Variants in PARP14 observed in about 807,000 individuals in gnomAD.
The protein encoded by PARP14 is protein mono-ADP-ribosyltransferase PARP14.
A neutral mutation model predicts 154.2 loss-of-function variants in PARP14; 59 were observed. The observed-to-expected ratio is 0.38, with a 90% CI of 0.31 to 0.48. PARP14 has a LOEUF of 0.48. PARP14 is among the 20% of genes least tolerant of loss of function. The pLI is 0.98. For synonymous variants in PARP14, 720 were observed against 780.5 expected (o/e 0.92, Z 1.29); for missense variants, 1,734 against 2,131.6 (o/e 0.81, Z 3.67).
At chr3:122,714,114 T>C in intron 11 of PARP14, 148 bp from the exon 12 acceptor site, 1 of 773,488 alleles carries the variant, frequency 1.3e-6, no homozygotes, top group Non-Finnish European at 2.1e-6. Context: ...AAAGTAAAGT[T>C]AAGTCATAGC....
At chr3:122,720,158 C>A in intron 14 of PARP14, 97 bp from the exon 15 acceptor site, 1 of 1,219,328 alleles carries the variant, frequency 8.2e-7, no homozygotes. Flanking sequence ...TCTTTGAATG[C>A]TTAGAATTGG....
intron 8 of PARP14, among the ~76,000 whole-genome samples, chr3:122,705,470 G>C (rs961435010): frequency 6.6e-6 from 1 of 152,224 alleles, no homozygotes; most frequent in African/African-American, 2.4e-5. Flanking sequence ...CATGTAAATA[G>C]GAGAGTTGGG....
Position 122,718,869 on chromosome 3 carries a change from A to G in PARP14, c.4718A>G (p.His1573Arg), listed in dbSNP as rs1364382906. 1 of 1,613,996 alleles carries G rather than the reference A, an allele frequency of 6.2e-7. No homozygotes were observed. The highest frequency in any genetic ancestry group is 2.2e-5 in the East Asian group (1 of 44,888). The change falls in exon 14 of 17, where the codon CAT becomes CGT. Residue 1573 changes from histidine (H) to arginine (R), a missense_variant. Physicochemically the swap from His to Arg is conservative, Grantham distance 29. Around this residue, in one of 2 missense-constraint regions of PARP14, gnomAD observed 1,646 missense variants for 1,976.0 expected, o/e 0.83. Transcript: ENST00000474629. ...KKKTVDVKIN[H>R]RHYTVNLNTY... ...AAAACAGTTGATGTCAAAATTAATC[A>G]TCGGCACTACACAGTGAACTTGAAC...
At chr3:122,689,264 T>A (rs1301015328) in intron 3 of PARP14, among the ~76,000 whole-genome samples, 1 of 152,200 alleles carries the variant, frequency 6.6e-6, no homozygotes, top group Non-Finnish European at 1.5e-5. Context: ...GCTCGTCACC[T>A]ACTAGACATT....
chr3:122,698,459 G>A (rs1938850035), intron 5 of PARP14, among the ~76,000 whole-genome samples: 1 of 152,192 alleles, frequency 6.6e-6, no homozygotes, highest in African/African-American at 2.4e-5. Flanking sequence ...AGGGCCAGGA[G>A]GAGGTGTGGT....
chr3:122,703,043 A>G (rs551761469), intron 6 of PARP14, among the ~76,000 whole-genome samples: 2 of 150,414 alleles, frequency 1.3e-5, no homozygotes, highest in African/African-American at 4.9e-5. Flanking sequence ...AAAAACAGTC[A>G]TAGTTTGCTT....
chr3:122,715,600 A>T (rs1336923818), intron 12 of PARP14, among the ~76,000 whole-genome samples: 1 of 29,844 alleles, frequency 3.4e-5, no homozygotes, highest in Non-Finnish European at 7.2e-5. Context: ...CCAGTCATCT[A>T]TCTATCTATC....
intron 5 of PARP14, among the ~76,000 whole-genome samples, chr3:122,697,242 C>T (rs1206890280): frequency 1.3e-5 from 2 of 152,220 alleles, no homozygotes; most frequent in Non-Finnish European, 2.9e-5. Context: ...GCGTGAGTCA[C>T]TGCACCCAGC....
At chr3:122,692,614 G>A (rs1938577759) in intron 4 of PARP14, 71 bp downstream of exon 4, 2 of 1,300,696 alleles carry the variant, frequency 1.5e-6, no homozygotes, top group South Asian at 3.3e-5. Context: ...TACCTCTTAG[G>A]GGGACATCTC....
chr3:122,695,397 T>G, intron 4 of PARP14, 29 bp from the exon 5 acceptor site: 3 of 1,108,344 alleles, frequency 2.7e-6, no homozygotes, highest in South Asian at 1.4e-5. Flanking sequence ...AATTTACTGA[T>G]TTTCTTTCTT....
chr3:122,714,014 G>GTCTCCCCAACCCTAA, intron 11 of PARP14, 80 bp downstream of exon 11: 1 of 1,048,950 alleles, frequency 9.5e-7, no homozygotes, highest in Non-Finnish European at 1.5e-6. Flanking sequence ...TCTTAGGGTT[G>GTCTCCCCAACCCTAA]GGGAGACAAC....
intron 1 of PARP14, among the ~76,000 whole-genome samples, chr3:122,684,602 A>G (rs935064446): frequency 1.3e-5 from 2 of 151,862 alleles, no homozygotes; most frequent in African/African-American, 4.8e-5. Flanking sequence ...TAATCTATTA[A>G]TTTGTTCATT....
In PARP14 at chr3:122,684,610, A is replaced by AT. The variant is rs527984266; in HGVS notation, c.188-564dup. 2.8e-3 allele frequency among the ~76,000 whole-genome samples: 407 copies of AT among 145,520 alleles called. 1 individual carries two copies. The highest frequency in any genetic ancestry group is 0.016 in the East Asian group (80 of 5,022). On this transcript the variant is annotated intron_variant, in intron 1 of 16. Transcript: ENST00000474629. ...GATATGCTAATCTATTAATTTGTTC[A>AT]TTTTTTTTTTTGCAAAAATCTCCCC...
rs1041852797 is a variant in PARP14, at chr3:122,681,735, T to G, written c.187+665T>G. On this transcript the variant is annotated intron_variant, in intron 1 of 16. Transcript: ENST00000474629. The surrounding 1 kb of genome is among the most constrained non-coding windows in gnomAD (Gnocchi z 5.5). Reference sequence around the variant, plus strand: ...ATGATATTCTGAAGTGATTGTGGGTTGGGAGATTTGAGCTTTGGAGGGAAA... The same window carrying G: ...ATGATATTCTGAAGTGATTGTGGGTGGGGAGATTTGAGCTTTGGAGGGAAA... Among the ~76,000 whole-genome samples the G allele has an allele frequency of 6.6e-6, 1 of 152,080 alleles. No homozygotes were observed. Among genetic ancestry groups the G allele is most frequent in the Non-Finnish European group, 1.5e-5 (1 of 68,004 alleles).
intron 1 of PARP14, among the ~76,000 whole-genome samples, chr3:122,684,397 A>G (rs960112875): frequency 6.6e-5 from 10 of 152,190 alleles, no homozygotes; most frequent in African/African-American, 2.4e-4. Context: ...TTATAATCGT[A>G]ACTCACATCT....
chr3:122,726,516 AGTT>A (rs1933290482), intron 15 of PARP14, among the ~76,000 whole-genome samples: 1 of 152,160 alleles, frequency 6.6e-6, no homozygotes. Flanking sequence ...CTCTTCTAGT[AGTT>A]GTTGGTGAGA....
chr3:122,704,242 A>C (rs1204436255), intron 7 of PARP14, among the ~76,000 whole-genome samples: 1 of 152,244 alleles, frequency 6.6e-6, no homozygotes, highest in Non-Finnish European at 1.5e-5. Context: ...TTGCTTGCTT[A>C]GTGAAGAAAG....
chr3:122,685,510 CTTTTT>C (rs10711299), intron 2 of PARP14, among the ~76,000 whole-genome samples, 192 bp downstream of exon 2: 1 of 137,254 alleles, frequency 7.3e-6, no homozygotes, highest in Non-Finnish European at 1.6e-5. Context: ...GGAGGGGGTA[CTTTTT>C]TTTTTTTTTT....
In PARP14 at chr3:122,701,648, T is replaced by C; in HGVS notation, c.3081+13T>C. 2 of 1,545,184 alleles carry C rather than the reference T, an allele frequency of 1.3e-6. No individual in the cohort carries two copies. The highest frequency in any genetic ancestry group is 1.4e-5 in the African/African-American group (1 of 72,890). On this transcript the variant is annotated intron_variant, in intron 6 of 16. Transcript: ENST00000474629. This position sits in a 1 kb window ranked among gnomAD's most constrained non-coding sequence, Gnocchi z 4.0. ...GCAGAATGCTAAGGTGAGTGTCGCT[T>C]TTACAGAACACCACCAGGGCACTGT...
Sources: allele counts gnomAD v4.1 joint callset (sites outside exome capture counted in the v4.1 genomes callset), GRCh38; gene constraint gnomAD v4.1.1; regional missense constraint gnomAD v4.1.1; non-coding constraint Gnocchi (gnomAD v3.1); transcripts MANE v1.5; gene names NCBI Gene and HGNC (gene_info 2026-07-23, HGNC 2026-07-21).